Variants in DLG2 observed in about 807,000 individuals in gnomAD.
DLG2 encodes discs large MAGUK scaffold protein 2.
Under a neutral mutation model 132.5 loss-of-function variants are expected in DLG2, and 45 were observed. The ratio of observed to expected loss-of-function variants is 0.34; its 90% CI spans 0.27 to 0.44. DLG2 has a LOEUF of 0.44. Among genes scored for constraint, DLG2 ranks in the 20% least tolerant of loss-of-function variants. DLG2 has a pLI of 1.00. For missense variants in DLG2, 1,045 were observed against 1,196.9 expected, an observed-to-expected ratio of 0.87 and a Z score of 1.87; for synonymous variants, 424 against 419.6, an observed-to-expected ratio of 1.01 and a Z score of -0.13.
intron 6 of DLG2, among the ~76,000 whole-genome samples, chr11:84,770,486 A>G (rs962366121): frequency 1.3e-5 from 2 of 152,066 alleles, no homozygotes; most frequent in Non-Finnish European, 2.9e-5. Flanking sequence ...AGCAGGTCCC[A>G]GTCTGTTGTT....
intron 5 of DLG2, among the ~76,000 whole-genome samples, chr11:85,129,642 G>C (rs2075496511): frequency 6.6e-6 from 1 of 152,200 alleles, no homozygotes; most frequent in African/African-American, 2.4e-5. Context: ...GTGGAAGACA[G>C]TGTGGCAATT....
At chr11:84,420,645 G>GTTTTTTTTTTTT (rs1567588759) in intron 7 of DLG2, among the ~76,000 whole-genome samples, 2 of 48,946 alleles carry the variant, frequency 4.1e-5, no homozygotes, top group Admixed American at 3.2e-4. Flanking sequence ...ACCAATGCTT[G>GTTTTTTTTTTTT]TTTTCTTTTT....
intron 6 of DLG2, among the ~76,000 whole-genome samples, chr11:84,904,627 T>C (rs143606932): frequency 2.7e-4 from 41 of 152,350 alleles, no homozygotes; most frequent in African/African-American, 3.6e-4. Context: ...ATTGAAACTA[T>C]TTCCGTCATT....
intron 7 of DLG2, among the ~76,000 whole-genome samples, chr11:84,363,926 T>C (rs535890983): frequency 6.6e-6 from 1 of 152,144 alleles, no homozygotes; most frequent in Admixed American, 6.5e-5. Flanking sequence ...TGTAGTATAG[T>C]TTGAAGTCAG....
chr11:85,099,561 C>A (rs1035139034), intron 6 of DLG2, among the ~76,000 whole-genome samples: 4 of 152,048 alleles, frequency 2.6e-5, no homozygotes, highest in African/African-American at 9.7e-5. Flanking sequence ...TGTTGTATGG[C>A]CTTCTATTTT....
chr11:85,301,248 G>A (rs1163239568), intron 3 of DLG2, among the ~76,000 whole-genome samples: 1 of 152,014 alleles, frequency 6.6e-6, no homozygotes, highest in African/African-American at 2.4e-5. Flanking sequence ...AGGACAAAGA[G>A]AATGGTATAA....
chr11:83,751,521 C>T (rs2093310080), intron 18 of DLG2, among the ~76,000 whole-genome samples: 1 of 152,068 alleles, frequency 6.6e-6, no homozygotes, highest in Non-Finnish European at 1.5e-5. Flanking sequence ...TGCATTAACC[C>T]AGGTAATGAA....
At chr11:84,339,245 G>A (rs1040036764) in intron 7 of DLG2, among the ~76,000 whole-genome samples, 3 of 152,096 alleles carry the variant, frequency 2.0e-5, no homozygotes, top group Non-Finnish European at 4.4e-5. Context: ...TGTGTTAAAA[G>A]CAAAAGTAAT....
chr11:84,704,384 T>C (rs996585982), intron 6 of DLG2, among the ~76,000 whole-genome samples: 39 of 151,716 alleles, frequency 2.6e-4, no homozygotes, highest in Admixed American at 5.9e-4. Context: ...AGACTTGAGT[T>C]TGAAGACCAG....
At position 84,284,125 on chromosome 11, in the gene DLG2, T is replaced by C. The variant is rs144425077; in HGVS notation, c.520-32834A>G. Among the ~76,000 whole-genome samples the C allele has an allele frequency of 1.4e-4, 21 of 152,190 alleles. No homozygotes were observed. In the East Asian group the frequency reaches 4.1e-3, roughly 30 times the overall value. On this transcript the variant is annotated intron_variant, in intron 7 of 27. Transcript: ENST00000376104. Reference sequence around the variant, plus strand: ...GGTGCATGCTTGTAATCCCAGCTACTCTGGAGGTTGAGGCAGGAGAATCAC... The same window carrying C: ...GGTGCATGCTTGTAATCCCAGCTACCCTGGAGGTTGAGGCAGGAGAATCAC...
intron 4 of DLG2, among the ~76,000 whole-genome samples, chr11:85,168,778 G>A (rs1238738120): frequency 2.0e-5 from 3 of 152,034 alleles, no homozygotes; most frequent in Non-Finnish European, 4.4e-5. Flanking sequence ...CTATATAGTT[G>A]TTTATGGTAG....
rs1034727868 is a variant in DLG2, at chr11:84,476,260, C to G, written c.519+58310G>C. 2.0e-5 allele frequency among the ~76,000 whole-genome samples: 3 copies of G among 152,100 alleles called. No homozygotes were observed. In the East Asian group the frequency reaches 5.8e-4, roughly 29 times the overall value. On this transcript the variant is annotated intron_variant, in intron 7 of 27. Transcript: ENST00000376104. The stretch of plus-strand genomic sequence containing the variant: ...CAAATGGCTTGTGTGCTGACCTTCA[C>G]TTGACATGACTGGAAATTATTTCTT...
chr11:84,703,544 A>G lies in DLG2; in HGVS notation c.358-168813T>C, dbSNP rs374058848. ...CCACCACAAATACACCCTCTATGAG[A>G]TAAACAAATAAAGCTCAAGTCCACA... is the stretch of plus-strand genomic sequence containing the variant. On this transcript the variant is annotated intron_variant, in intron 6 of 27. Coordinates refer to ENST00000376104, the MANE Select transcript of DLG2 (RefSeq NM_001142699.3). Among the ~76,000 whole-genome samples, 93 of 151,628 alleles carry G rather than the reference A, an allele frequency of 6.1e-4. 3 individuals are homozygous for G. The South Asian group carries it at 0.019, about 31-fold the overall frequency.
chr11:85,214,115 T>A (rs1031168623), intron 4 of DLG2, among the ~76,000 whole-genome samples: 2 of 152,182 alleles, frequency 1.3e-5, no homozygotes, highest in African/African-American at 4.8e-5. Flanking sequence ...TGCTGTTCAC[T>A]CCTACCATGT....
At chr11:84,158,072 T>C (rs1020377294) in intron 9 of DLG2, among the ~76,000 whole-genome samples, 3 of 127,704 alleles carry the variant, frequency 2.3e-5, no homozygotes, top group Non-Finnish European at 5.0e-5. Flanking sequence ...GTTTTTTTGG[T>C]TTTTTTTTTG....
chr11:84,149,334 G>T (rs1238305538), intron 9 of DLG2, among the ~76,000 whole-genome samples: 5 of 152,020 alleles, frequency 3.3e-5, no homozygotes, highest in African/African-American at 1.2e-4. Context: ...TTTCTTTTAG[G>T]ATTTTTATAG....
At chr11:84,986,117 G>C (rs998523405) in intron 6 of DLG2, among the ~76,000 whole-genome samples, 1 of 150,344 alleles carries the variant, frequency 6.7e-6, no homozygotes, top group African/African-American at 2.4e-5. Context: ...AATGAAATGA[G>C]AGATATTACA....
At chr11:85,236,996 T>C (rs141113517) in intron 4 of DLG2, among the ~76,000 whole-genome samples, 1 of 152,202 alleles carries the variant, frequency 6.6e-6, no homozygotes, top group East Asian at 1.9e-4. Context: ...ACAAACTACA[T>C]GTCTATGTGT....
At chr11:84,817,227 G>C (rs113090701) in intron 6 of DLG2, among the ~76,000 whole-genome samples, 28 of 152,066 alleles carry the variant, frequency 1.8e-4, no homozygotes, top group African/African-American at 6.7e-4. Context: ...TGAACTGTTT[G>C]AGTGGCTCAA....
Sources: allele counts gnomAD v4.1 joint callset (sites outside exome capture counted in the v4.1 genomes callset), GRCh38; gene constraint gnomAD v4.1.1; transcripts MANE v1.5; gene names NCBI Gene and HGNC (gene_info 2026-07-23, HGNC 2026-07-21).